Variants in TYSND1 observed in about 807,000 individuals in gnomAD.
TYSND1 encodes trypsin like peroxisomal matrix peptidase 1, also known as peroxisomal leader peptide-processing protease.
Under a neutral mutation model 37.2 loss-of-function variants are expected in TYSND1, and 30 were observed. The observed-to-expected ratio is 0.81, with a 90% CI of 0.60 to 1.09. TYSND1 has a LOEUF of 1.09. Ranked by LOEUF, TYSND1 falls within the 50% of genes least tolerant of loss-of-function variation. The probability of loss-of-function intolerance (pLI) is 0.00; values close to 1 mark genes in which losing one functional copy is unlikely to be tolerated. For missense variants in TYSND1, 806 were observed against 817.4 expected (o/e 0.99, Z 0.17); for synonymous variants, 364 against 383.8 (o/e 0.95, Z 0.60).
In TYSND1 at chr10:70,145,596, G is replaced by A; in HGVS notation, c.991C>T (p.Pro331Ser). 2 of 1,451,846 alleles carry A rather than the reference G, an allele frequency of 1.4e-6. No homozygotes were observed. The highest frequency in any genetic ancestry group is 1.8e-6 in the Non-Finnish European group (2 of 1,106,980). The allele number at this position is 1,451,846 out of a possible 1,614,324, so 89.9% of individuals were successfully genotyped here. A position where few individuals can be genotyped will look rare whatever the true frequency, so the allele number is the denominator to read the frequency against. ...GAGTCTCGGAGGGGCAGACCCCACG[G>A]GACGCCCACCTCTGGCGGCAGAAGG... The part of the protein sequence containing the change: ...AALLPPEVGV[P>S]WGLPLRDSGP... Residue 331 changes from proline (P) to serine (S), a missense_variant, in exon 1 of 4, where the codon CCG becomes TCG. Physicochemically the swap from Pro to Ser is moderately conservative, Grantham distance 74. Coordinates refer to ENST00000287078, the MANE Select transcript of TYSND1 (RefSeq NM_173555.4).
At chr10:70,142,560 A>G (rs1001620411) in intron 3 of TYSND1, 108 bp downstream of exon 3, 2 of 1,086,942 alleles carry the variant, frequency 1.8e-6, no homozygotes, top group Non-Finnish European at 2.6e-6. Context: ...CATAATGCCC[A>G]CCATTTTCCC....
rs1049279408 is a variant in TYSND1 at position 70,142,910 on chromosome 10, C to G, written c.1298-57G>C. 1.9e-6 allele frequency: 3 copies of G among 1,574,400 alleles called. No homozygotes were observed. The African/African-American group carries it at 4.0e-5, about 21-fold the overall frequency. The stretch of plus-strand genomic sequence containing the variant: ...GACACCTGTGTTACAGCAGGACTCA[C>G]ACTCCCTAACTCCCATCCCTACCCT... On this transcript the variant is annotated intron_variant, in intron 2 of 3. Coordinates refer to ENST00000287078, the MANE Select transcript of TYSND1 (RefSeq NM_173555.4).
rs1250224594 is a variant in TYSND1 at position 70,139,022 on chromosome 10, A to C, written c.*902T>G. 1.3e-5 allele frequency: 2 copies of C among 150,822 alleles called. No individual in the cohort carries two copies. The highest frequency in any genetic ancestry group is 2.9e-5 in the Non-Finnish European group (2 of 67,878). 9.3% of individuals were successfully genotyped at this position (150,822 alleles called of 1,614,324 possible). A position where few individuals can be genotyped will look rare whatever the true frequency, so the allele number is the denominator to read the frequency against. ...TGAGGCAGGAGGTCTCCTGGAGCCCAGGAGTTTGAGGCTGCAGTGAGCTGT... is the reference window on the plus strand; with the variant it reads ...TGAGGCAGGAGGTCTCCTGGAGCCCCGGAGTTTGAGGCTGCAGTGAGCTGT... On this transcript the variant is annotated 3_prime_UTR_variant, in exon 4 of 4. Coordinates refer to ENST00000287078, the MANE Select transcript of TYSND1 (RefSeq NM_173555.4).
At chr10:70,144,628 C>A in intron 1 of TYSND1, 1 of 985,948 alleles carries the variant, frequency 1.0e-6, no homozygotes, top group Non-Finnish European at 1.2e-6. Flanking sequence ...GCAGGGGTAG[C>A]TTCCAACAGA....
chr10:70,146,204 G>A lies in TYSND1; in HGVS notation c.383C>T (p.Pro128Leu). The change falls in exon 1 of 4, where the codon CCC becomes CTC. Residue 128 changes from proline to leucine, a missense_variant. By Grantham distance (98) the Pro-to-Leu change is moderately conservative. Around this residue, in one of 3 missense-constraint regions of TYSND1, gnomAD observed 708 missense variants for 705.4 expected, o/e 1.00. Coordinates refer to ENST00000287078, the MANE Select transcript of TYSND1 (RefSeq NM_173555.4). ...CAGCAGCAGCTCAGCAGGAAGCCGG[G>A]GCTGCAGGGGACGCCCGCGGGACGG... ...PAPSRGRPLQ[P>L]RLPAELLLLL... 2.0e-6 allele frequency: 3 copies of A among 1,525,208 alleles called. No homozygotes were observed. The highest frequency in any genetic ancestry group is 2.5e-5 in the South Asian group (2 of 81,356). The allele number at this position is 1,525,208 out of a possible 1,614,324, so 94.5% of individuals were successfully genotyped here.
Position 70,140,120 on chromosome 10 carries a change from C to G in TYSND1, c.1505G>C (p.Arg502Pro). The G allele has an allele frequency of 6.2e-7, 1 of 1,611,262 alleles. No individual in the cohort carries two copies. The highest frequency in any genetic ancestry group is 8.5e-7 in the Non-Finnish European group (1 of 1,177,902). The change falls in exon 4 of 4, where the codon CGG (arginine) becomes CCG (proline). Residue 502 changes from arginine (R) to proline (P), a missense_variant. By Grantham distance (103) the Arg-to-Pro change is moderately radical. This residue lies in a region of TYSND1 where 708 missense variants were observed against 705.4 expected (regional missense o/e 1.00). Coordinates refer to ENST00000287078, the MANE Select transcript of TYSND1 (RefSeq NM_173555.4). Reference sequence around the variant, plus strand: ...GTAGGTGGCCCCCGTATTATTGTCCCGGGTGTTGCTGGTGATTATGCCTGT... The same window carrying G: ...GTAGGTGGCCCCCGTATTATTGTCCGGGGTGTTGCTGGTGATTATGCCTGT... Reference protein sequence around the residue: ...NLLGIITSNTRDNNTGATYPH... With the variant: ...NLLGIITSNTPDNNTGATYPH...
chr10:70,146,218 C>G lies in TYSND1; in HGVS notation c.369G>C (p.Gly123=), dbSNP rs1589868787. 1.3e-6 allele frequency: 2 copies of G among 1,512,862 alleles called. No homozygotes were observed. The highest frequency in any genetic ancestry group is 1.8e-6 in the Non-Finnish European group (2 of 1,135,816). 93.7% of individuals were successfully genotyped at this position (1,512,862 alleles called of 1,614,324 possible). Reference sequence around the variant, plus strand: ...CAGGAAGCCGGGGCTGCAGGGGACGCCCGCGGGACGGGGCAGGTGGGCCGG... The same window carrying G: ...CAGGAAGCCGGGGCTGCAGGGGACGGCCGCGGGACGGGGCAGGTGGGCCGG... ...LEPGPPAPSR[G]RPLQPRLPAE... The change falls in exon 1 of 4, where the codon GGG becomes GGC. Residue 123 remains glycine, a synonymous_variant. Coordinates refer to ENST00000287078, the MANE Select transcript of TYSND1 (RefSeq NM_173555.4).
At position 70,145,852 on chromosome 10, in the gene TYSND1, G is replaced by A; in HGVS notation, c.735C>T (p.Asn245=). The change falls in exon 1 of 4, where the codon AAC becomes AAT. Residue 245 remains asparagine (N), a synonymous_variant. Transcript: ENST00000287078. ...CGGTAAGCAGCAGTGGGCCGGCCAC[G>A]TTGCTGAGCACCCCGCAGCTCAGCG... ...LNTLSCGVLS[N]VAGPLLLTDA... is the part of the protein sequence containing the mutation. 1 of 1,540,904 alleles carries A rather than the reference G, an allele frequency of 6.5e-7. No homozygotes were observed. The highest frequency in any genetic ancestry group is 8.7e-7 in the Non-Finnish European group (1 of 1,142,982).
At chr10:70,145,306 G>GC in intron 1 of TYSND1, 115 bp downstream of exon 1, 1 of 1,044,588 alleles carries the variant, frequency 9.6e-7, no homozygotes, top group Non-Finnish European at 1.2e-6. Context: ...CCCACTACAC[G>GC]CCCAAAGCAT....
intron 3 of TYSND1, among the ~76,000 whole-genome samples, chr10:70,140,546 T>A (rs2072752347): frequency 1.0e-5 from 1 of 96,182 alleles, no homozygotes; most frequent in South Asian, 3.3e-4. Flanking sequence ...AATGAATGAA[T>A]GAATGAATCA....
rs1249935899 is a variant in TYSND1, at chr10:70,146,432, A to G, written c.155T>C (p.Ile52Thr). 6.2e-7 allele frequency: 1 copy of G among 1,602,972 alleles called. No homozygotes were observed. Among genetic ancestry groups the G allele is most frequent in the Non-Finnish European group, 8.5e-7 (1 of 1,178,424 alleles). The change falls in exon 1 of 4, where the codon ATC (isoleucine) becomes ACC (threonine). Residue 52 changes from isoleucine (I) to threonine (T), a missense_variant. Physicochemically the swap from Ile to Thr is moderately conservative, Grantham distance 89. Around this residue, in one of 3 missense-constraint regions of TYSND1, gnomAD observed 84 missense variants for 79.0 expected, o/e 1.06. Coordinates refer to ENST00000287078, the MANE Select transcript of TYSND1 (RefSeq NM_173555.4). Reference sequence around the variant, plus strand: ...GCCAGCTCGCAGGAAGGGGACGAAGATGCCCCCGTGGCAAAGCACCAGGCC... The same window carrying G: ...GCCAGCTCGCAGGAAGGGGACGAAGGTGCCCCCGTGGCAAAGCACCAGGCC... ...SPGLVLCHGG[I>T]FVPFLRAGSE...
rs925627537 is a variant in TYSND1 at position 70,144,480 on chromosome 10, C to T, written c.1167-508G>A. On this transcript the variant is annotated intron_variant, in intron 1 of 3. Coordinates refer to ENST00000287078, the MANE Select transcript of TYSND1 (RefSeq NM_173555.4). ...TTTCACTCCTCTGGGTCCCTATTTA[C>T]GTACACGCTAACACTTCTGTAGCAC... The T allele has an allele frequency of 1.2e-5, 12 of 993,940 alleles. No homozygotes were observed. In the South Asian group the frequency reaches 2.2e-4, roughly 19 times the overall value. The allele number at this position is 993,940 out of a possible 1,614,324, so 61.6% of individuals were successfully genotyped here.
intron 3 of TYSND1, among the ~76,000 whole-genome samples, chr10:70,142,253 G>A (rs1258384522): frequency 6.6e-6 from 1 of 152,170 alleles, no homozygotes; most frequent in Non-Finnish European, 1.5e-5. Context: ...ACCAGCCAAC[G>A]TTAGGCCCAT....
rs777803234 is a variant in TYSND1 at position 70,140,022 on chromosome 10, G to C, written c.1603C>G (p.Leu535Val). The stretch of plus-strand genomic sequence containing the variant: ...CGGTCCAGCTCACGGAGGCCACCTA[G>C]GTCTTGGGTCTGGCTGTACTGCTGC... ...ALQQYSQTQD[L>V]GGLRELDRAA... Residue 535 changes from leucine (L) to valine (V), a missense_variant, in exon 4 of 4, where the codon CTA (leucine) becomes GTA (valine). Physicochemically the swap from Leu to Val is conservative, Grantham distance 32. This residue lies in a region of TYSND1 where 708 missense variants were observed against 705.4 expected (regional missense o/e 1.00). Transcript: ENST00000287078. 1 of 1,614,232 alleles carries C rather than the reference G, an allele frequency of 6.2e-7. No homozygotes were observed. Among genetic ancestry groups the C allele is most frequent in the Non-Finnish European group, 8.5e-7 (1 of 1,180,026 alleles).
rs566446925 is a variant in TYSND1 at position 70,139,796 on chromosome 10, G to A, written c.*128C>T. The A allele has an allele frequency of 7.6e-5, 67 of 877,526 alleles. 1 individual carries two copies. In the South Asian group the frequency reaches 7.9e-4, roughly 10 times the overall value. 54.4% of individuals were successfully genotyped at this position (877,526 alleles called of 1,614,324 possible). A position where few individuals can be genotyped will look rare whatever the true frequency, so the allele number is the denominator to read the frequency against. On this transcript the variant is annotated 3_prime_UTR_variant, in exon 4 of 4. Coordinates refer to ENST00000287078, the MANE Select transcript of TYSND1 (RefSeq NM_173555.4). ...CCCAAAGCCCAGTCTGCAGTCAGTG[G>A]GTGGAGATGAGAGGCAGCCTGGGCC...
chr10:70,146,225 G>C lies in TYSND1; in HGVS notation c.362C>G (p.Ser121Cys). ...CCGGGGCTGCAGGGGACGCCCGCGG[G>C]ACGGGGCAGGTGGGCCGGGCTCGAG... Reference protein sequence around the residue: ...ASLEPGPPAPSRGRPLQPRLP... With the variant: ...ASLEPGPPAPCRGRPLQPRLP... Residue 121 changes from serine (S) to cysteine (C), a missense_variant, in exon 1 of 4, where the codon TCC becomes TGC. Around this residue, in one of 3 missense-constraint regions of TYSND1, gnomAD observed 708 missense variants for 705.4 expected, o/e 1.00. Coordinates refer to ENST00000287078, the MANE Select transcript of TYSND1 (RefSeq NM_173555.4). The C allele has an allele frequency of 6.6e-7, 1 of 1,507,568 alleles. No individual in the cohort carries two copies. The highest frequency in any genetic ancestry group is 1.9e-4 in the Middle Eastern group (1 of 5,268). The allele number at this position is 1,507,568 out of a possible 1,614,324, so 93.4% of individuals were successfully genotyped here.
At position 70,142,669 on chromosome 10, in the gene TYSND1, AAGG is replaced by A. The variant is rs755982134; in HGVS notation, c.1479_1481del (p.Leu494del). The A allele has an allele frequency of 8.9e-6, 14 of 1,572,594 alleles. No individual in the cohort carries two copies. Among genetic ancestry groups the A allele is most frequent in the South Asian group, 1.2e-5 (1 of 86,554 alleles). On this transcript the variant is annotated inframe_deletion and splice_region_variant, in exon 3 of 4. Transcript: ENST00000287078. The stretch of plus-strand genomic sequence containing the variant: ...GGAGGGGGCCAAAGAGCTGGTTACC[AAGG>A]AGGTTTCCTGAGTGGTTGGAGAAGA...
rs767205352 is a variant in TYSND1 at position 70,145,436 on chromosome 10, C to T, written c.1151G>A (p.Arg384His). 2 of 1,439,004 alleles carry T rather than the reference C, an allele frequency of 1.4e-6. No individual in the cohort carries two copies. Among genetic ancestry groups the T allele is most frequent in the East Asian group, 2.8e-5 (1 of 36,300 alleles). The allele number at this position is 1,439,004 out of a possible 1,614,324, so 89.1% of individuals were successfully genotyped here. A position where few individuals can be genotyped will look rare whatever the true frequency, so the allele number is the denominator to read the frequency against. ...GCGGGCTTACTTGGGGGTGGTGGAGCGCACCAGGACCCTGGCTGCTTCCCG... is the reference window on the plus strand; with the variant it reads ...GCGGGCTTACTTGGGGGTGGTGGAGTGCACCAGGACCCTGGCTGCTTCCCG... ...SPREAARVLV[R>H]STTPKSVAIW... is the part of the protein sequence containing the mutation. The change falls in exon 1 of 4, where the codon CGC becomes CAC. Residue 384 changes from arginine (R) to histidine (H), a missense_variant. By Grantham distance (29) the Arg-to-His change is conservative. This residue lies in a region of TYSND1 where 708 missense variants were observed against 705.4 expected (regional missense o/e 1.00). Coordinates refer to ENST00000287078, the MANE Select transcript of TYSND1 (RefSeq NM_173555.4).
rs1839185810 is a variant in TYSND1 at position 70,145,645 on chromosome 10, C to G, written c.942G>C (p.Pro314=). The change falls in exon 1 of 4, where the codon CCG becomes CCC. Residue 314 remains proline (P), a synonymous_variant. Coordinates refer to ENST00000287078, the MANE Select transcript of TYSND1 (RefSeq NM_173555.4). ...RAARDALHRL[P]HSTAALAALL... ...GGGCGGCCAGGGCAGCGGTGCTGTG[C>G]GGCAGGCGGTGAAGCGCGTCGCGGG... The G allele has an allele frequency of 7.1e-7, 1 of 1,403,268 alleles. No homozygotes were observed. Among genetic ancestry groups the G allele is most frequent in the Non-Finnish European group, 9.2e-7 (1 of 1,087,786 alleles). The allele number at this position is 1,403,268 out of a possible 1,614,324, so 86.9% of individuals were successfully genotyped here. A position where few individuals can be genotyped will look rare whatever the true frequency, so the allele number is the denominator to read the frequency against.
Sources: gnomAD v4.1 joint callset for allele counts (sites outside exome capture counted in the v4.1 genomes callset) on GRCh38, gnomAD v4.1.1 for gene constraint, gnomAD v4.1.1 regional missense constraint, MANE v1.5 for transcripts, NCBI Gene and HGNC (gene_info 2026-07-23, HGNC 2026-07-21) for gene names.